Variants in WNT2B observed in about 807,000 individuals in gnomAD.
WNT2B encodes Wnt family member 2B.
In WNT2B, 19 loss-of-function variants were observed where a neutral mutation model predicts 40.5. The observed-to-expected ratio is 0.47, with a 90% CI of 0.33 to 0.69. The LOEUF is 0.69. Ranked by LOEUF, WNT2B falls within the 30% of genes least tolerant of loss-of-function variation. The probability of loss-of-function intolerance (pLI) is 0.02; values close to 1 mark genes in which losing one functional copy is unlikely to be tolerated. For missense variants in WNT2B, 467 were observed against 556.4 expected (o/e 0.84, Z 1.62); for synonymous variants, 220 against 211.9 (o/e 1.04, Z -0.33).
At chr1:112,517,591 C>A (rs1297742563) in intron 4 of WNT2B, among the ~76,000 whole-genome samples, 4 of 152,318 alleles carry the variant, frequency 2.6e-5, no homozygotes, top group Admixed American at 2.0e-4. Context: ...TCACTCAGCT[C>A]CTTGAGGCCT....
chr1:112,509,226 C>T lies in WNT2B; in HGVS notation c.-37C>T. 1.4e-6 allele frequency: 2 copies of T among 1,480,490 alleles called. No individual in the cohort carries two copies. The highest frequency in any genetic ancestry group is 1.8e-6 in the Non-Finnish European group (2 of 1,124,628). 91.7% of individuals were successfully genotyped at this position (1,480,490 alleles called of 1,614,324 possible). A position where few individuals can be genotyped will look rare whatever the true frequency, so the allele number is the denominator to read the frequency against. The stretch of plus-strand genomic sequence containing the variant: ...ACCCCCAGAAGGTGCCCCGTCCACG[C>T]CCCTCCGGGCTGCGCGGCGGGAGTC... On this transcript the variant is annotated 5_prime_UTR_variant, in exon 1 of 5. Transcript: ENST00000369684. The surrounding 1 kb of genome is among the most constrained non-coding windows in gnomAD (Gnocchi z 4.2).
intron 1 of WNT2B, among the ~76,000 whole-genome samples, chr1:112,494,261 G>T (rs939020247): frequency 6.6e-6 from 1 of 151,340 alleles, no homozygotes; most frequent in African/African-American, 2.5e-5. Context: ...AGTGAACAGA[G>T]ATCGTGCCAC....
chr1:112,520,411 C>T lies in WNT2B; in HGVS notation c.1078C>T (p.His360Tyr). The T allele has an allele frequency of 6.2e-7, 1 of 1,614,154 alleles. No individual in the cohort carries two copies. The highest frequency in any genetic ancestry group is 1.1e-5 in the South Asian group (1 of 91,072). ...TRVTQCECKFHWCCAVRCKEC... is the reference protein window; with the variant it reads ...TRVTQCECKFYWCCAVRCKEC... The stretch of plus-strand genomic sequence containing the variant: ...TGTTACCCAGTGTGAGTGCAAATTC[C>T]ACTGGTGCTGTGCTGTACGGTGCAA... The change falls in exon 5 of 5, where the codon CAC becomes TAC. Residue 360 changes from histidine (H) to tyrosine (Y), a missense_variant. This residue lies in a region of WNT2B where 330 missense variants were observed against 438.6 expected (regional missense o/e 0.75). Coordinates refer to ENST00000369684, the MANE Select transcript of WNT2B (RefSeq NM_024494.3).
At chr1:112,469,201 C>T (rs1004236828) in intron 1 of WNT2B, among the ~76,000 whole-genome samples, 1 of 152,198 alleles carries the variant, frequency 6.6e-6, no homozygotes, top group African/African-American at 2.4e-5. Context: ...GATTTGGTTA[C>T]TAAAGCCATG....
intron 1 of WNT2B, among the ~76,000 whole-genome samples, chr1:112,503,507 A>G (rs529287046): frequency 6.6e-6 from 1 of 152,296 alleles, no homozygotes; most frequent in South Asian, 2.1e-4. Flanking sequence ...GCAAACATAC[A>G]CACCAAGGAA....
At position 112,495,122 on chromosome 1, in the gene WNT2B, TA is replaced by T. The variant is rs796393967; in HGVS notation, c.-94-19745del. Among the ~76,000 whole-genome samples the T allele has an allele frequency of 1.3e-3, 197 of 151,438 alleles. 12 individuals carry two copies. The highest frequency in any genetic ancestry group is 4.6e-3 in the African/African-American group (187 of 40,812). On this transcript the variant is annotated intron_variant, in intron 1 of 4. Transcript: ENST00000256640. ...TGTCTATTCTGACCACTAAGCAATG[TA>T]AAAAAATAAGTATAACTAATATGCT...
At chr1:112,475,069 A>G (rs1651015568) in intron 1 of WNT2B, among the ~76,000 whole-genome samples, 1 of 152,176 alleles carries the variant, frequency 6.6e-6, no homozygotes, top group African/African-American at 2.4e-5. Context: ...ACCTCTTTTC[A>G]TTATAAATTA....
In WNT2B at chr1:112,516,382, C is replaced by G. The variant is rs372960279; in HGVS notation, c.646C>G (p.Leu216Val). 5 of 1,613,752 alleles carry G rather than the reference C, an allele frequency of 3.1e-6. No individual in the cohort carries two copies. The highest frequency in any genetic ancestry group is 4.2e-6 in the Non-Finnish European group (5 of 1,179,954). Residue 216 changes from leucine (L) to valine (V), a missense_variant, in exon 3 of 5, where the codon CTC becomes GTC. This residue lies in a region of WNT2B where 330 missense variants were observed against 438.6 expected (regional missense o/e 0.75). Coordinates refer to ENST00000369684, the MANE Select transcript of WNT2B (RefSeq NM_024494.3). ...GAAGAGGCTTAAGGATGCCCGGGCC[C>G]TCATGAACTTACATAATAACCGCTG... is the stretch of plus-strand genomic sequence containing the variant. ...KEKRLKDARALMNLHNNRCGR... is the reference protein window; with the variant it reads ...KEKRLKDARAVMNLHNNRCGR...
chr1:112,491,137 C>T lies in WNT2B; in HGVS notation c.-95+23546C>T, dbSNP rs186533432. ...ATTATAAAAAATAAATTGGCCTGCA[C>T]GGTGGCTCGTGCCTGTAATCCCAGC... On this transcript the variant is annotated intron_variant, in intron 1 of 4. Transcript: ENST00000256640. 5.9e-6 allele frequency: 9 copies of T among 1,537,486 alleles called. 1 individual carries two copies. The highest frequency in any genetic ancestry group is 4.6e-5 in the South Asian group (4 of 86,258).
intron 1 of WNT2B, among the ~76,000 whole-genome samples, chr1:112,478,403 A>G (rs1651117048): frequency 6.6e-6 from 1 of 152,202 alleles, no homozygotes; most frequent in Non-Finnish European, 1.5e-5. Context: ...AGACTACATC[A>G]AGGCATATTA....
chr1:112,489,560 T>C lies in WNT2B; in HGVS notation c.-95+21969T>C, dbSNP rs552991933. Reference sequence around the variant, plus strand: ...GCCTGGGTGACAGAGGGAGACTCTGTCTCAAAAACAAACAAACAAAAAACC... The same window carrying C: ...GCCTGGGTGACAGAGGGAGACTCTGCCTCAAAAACAAACAAACAAAAAACC... On this transcript the variant is annotated intron_variant, in intron 1 of 4. Coordinates refer to the WNT2B transcript ENST00000256640. 1.3e-4 allele frequency among the ~76,000 whole-genome samples: 20 copies of C among 152,246 alleles called. 1 individual carries two copies. The South Asian group carries it at 4.1e-3, about 32-fold the overall frequency.
chr1:112,504,792 T>C (rs1464003683), upstream of WNT2B, among the ~76,000 whole-genome samples: 1 of 152,094 alleles, frequency 6.6e-6, no homozygotes, highest in Admixed American at 6.5e-5. Context: ...CAGCCCCTTC[T>C]TGGCCTTTCT....
intron 1 of WNT2B, among the ~76,000 whole-genome samples, chr1:112,469,524 GTA>G (rs1650807515): frequency 6.6e-6 from 1 of 151,922 alleles, no homozygotes; most frequent in African/African-American, 2.4e-5. Context: ...GTTTTATGTA[GTA>G]TACCTTGTAG....
chr1:112,501,150 G>A (rs1388143086), intron 1 of WNT2B, among the ~76,000 whole-genome samples: 1 of 152,172 alleles, frequency 6.6e-6, no homozygotes. Flanking sequence ...TTTGTAGAAT[G>A]TCCCCCTGGT....
Position 112,524,179 on chromosome 1 carries a change from A to G in WNT2B, c.*3670A>G, listed in dbSNP as rs866979276. ...CCCTTATCAAGAACACCAACCAGTA[A>G]GTCTTTGCCAAATTCTCAGACCCAC... On this transcript the variant is annotated 3_prime_UTR_variant, in exon 5 of 5. Coordinates refer to ENST00000369684, the MANE Select transcript of WNT2B (RefSeq NM_024494.3). 6.6e-6 allele frequency: 1 copy of G among 152,524 alleles called. No individual in the cohort carries two copies. The highest frequency in any genetic ancestry group is 1.5e-5 in the Non-Finnish European group (1 of 68,034). The allele number at this position is 152,524 out of a possible 1,614,324, so 9.4% of individuals were successfully genotyped here.
At chr1:112,504,539 G>A (rs150413521), upstream of WNT2B, among the ~76,000 whole-genome samples, 615 of 152,154 alleles carry the variant, frequency 4.0e-3, 3 homozygotes, top group African/African-American at 0.014. Flanking sequence ...TGTACAAAGC[G>A]TGGATCCCCA....
chr1:112,514,760 G>C, intron 1 of WNT2B, 114 bp from the exon 2 acceptor site: 1 of 944,302 alleles, frequency 1.1e-6, no homozygotes, highest in Non-Finnish European at 1.7e-6. Context: ...TGTGGGTTAG[G>C]GAGAGGGGAC....
chr1:112,472,829 GGTGTGT>G (rs1650922478), intron 1 of WNT2B, among the ~76,000 whole-genome samples: 2 of 151,956 alleles, frequency 1.3e-5, no homozygotes, highest in Admixed American at 6.6e-5. Flanking sequence ...TGGGTGTGGT[GGTGTGT>G]GCCAGGAGTC....
intron 1 of WNT2B, among the ~76,000 whole-genome samples, chr1:112,473,561 AT>A (rs142316825): frequency 1.3e-5 from 2 of 151,940 alleles, no homozygotes; most frequent in African/African-American, 2.4e-5. Flanking sequence ...AGCATAAGAA[AT>A]TTTTTTTAAT....
Sources: gnomAD v4.1 joint callset for allele counts (sites outside exome capture counted in the v4.1 genomes callset) on GRCh38, gnomAD v4.1.1 for gene constraint, gnomAD v4.1.1 regional missense constraint, Gnocchi (gnomAD v3.1) non-coding constraint, MANE v1.5 for transcripts, NCBI Gene and HGNC (gene_info 2026-07-23, HGNC 2026-07-21) for gene names.